Variants in MTUS2 observed in about 807,000 individuals in gnomAD.
MTUS2 encodes microtubule-associated tumor suppressor candidate 2.
Under a neutral mutation model 114.1 loss-of-function variants are expected in MTUS2, and 40 were observed. The ratio of observed to expected loss-of-function variants is 0.35; its 90% confidence interval spans 0.27 to 0.46. The LOEUF (loss-of-function observed/expected upper bound fraction) is 0.46, where lower values mean the gene tolerates loss of function less well. MTUS2 is among the 20% of genes least tolerant of loss of function. The probability of loss-of-function intolerance (pLI) is 1.00; values close to 1 mark genes in which losing one functional copy is unlikely to be tolerated. For missense variants in MTUS2, 1,679 were observed against 1,705.4 expected (o/e 0.98, Z 0.27); for synonymous variants, 688 against 672.0 (o/e 1.02, Z -0.37).
chr13:29,398,585 T>G (rs1019253427), intron 8 of MTUS2, among the ~76,000 whole-genome samples: 1 of 151,398 alleles, frequency 6.6e-6, no homozygotes, highest in African/African-American at 2.4e-5. Context: ...TTACCTGGTC[T>G]GAAAAACTAA....
At chr13:29,296,574 TA>T (rs2139593380) in intron 6 of MTUS2, among the ~76,000 whole-genome samples, 1 of 152,264 alleles carries the variant, frequency 6.6e-6, no homozygotes, top group East Asian at 1.9e-4. Context: ...ACCAAGTGTG[TA>T]AAAGTTCCTC....
chr13:29,226,522 C>G (rs528342421), intron 5 of MTUS2, among the ~76,000 whole-genome samples: 2 of 152,200 alleles, frequency 1.3e-5, no homozygotes, highest in South Asian at 2.1e-4. Flanking sequence ...TTCATTTGCA[C>G]TCCCAAAACA....
At chr13:29,375,413 TTACTTTTAA>T in intron 8 of MTUS2, among the ~76,000 whole-genome samples, 1 of 113,406 alleles carries the variant, frequency 8.8e-6, no homozygotes, top group African/African-American at 3.3e-5. Flanking sequence ...CCGCAATTAC[TTACTTTTAA>T]TGGCAAAAAC....
In MTUS2 at chr13:29,504,235, C is replaced by G. The variant is rs1393410291; in HGVS notation, c.*1029C>G. The G allele has an allele frequency of 4.3e-6, 1 of 232,524 alleles. No individual in the cohort carries two copies. Among genetic ancestry groups the G allele is most frequent in the Non-Finnish European group, 8.5e-6 (1 of 117,358 alleles). 14.4% of individuals were successfully genotyped at this position (232,524 alleles called of 1,614,324 possible). ...AGAGGGGGAACATCACTCCAGCTTT[C>G]CATGTGGTTCACTCTGATGCGATGC... On this transcript the variant is annotated 3_prime_UTR_variant, in exon 16 of 16. Coordinates refer to ENST00000612955, the MANE Select transcript of MTUS2 (RefSeq NM_001033602.4).
intron 2 of MTUS2, among the ~76,000 whole-genome samples, chr13:29,023,432 C>T (rs113722611): frequency 0.015 from 2,310 of 152,298 alleles, 64 homozygotes; most frequent in African/African-American, 0.053. Flanking sequence ...TTGCCAGTTT[C>T]TCTCTTTTAC....
At chr13:29,125,744 A>G (rs9508285) in intron 5 of MTUS2, among the ~76,000 whole-genome samples, 67,312 of 152,080 alleles carry the variant, frequency 0.44, 16,060 homozygotes, top group Non-Finnish European at 0.52. Context: ...TCTTTATTTC[A>G]TGATGATTTT....
chr13:29,033,859 A>T, intron 3 of MTUS2, 26 bp from the exon 4 acceptor site: 1 of 1,612,954 alleles, frequency 6.2e-7, no homozygotes, highest in Non-Finnish European at 8.5e-7. Flanking sequence ...AAGGTCTCTG[A>T]TTGAGTTTTT....
At chr13:28,925,695 C>T (rs1881287726) in intron 2 of MTUS2, among the ~76,000 whole-genome samples, 1 of 152,180 alleles carries the variant, frequency 6.6e-6, no homozygotes, top group South Asian at 2.1e-4. Context: ...AGTTAACTCA[C>T]CTCTGGTGTC....
rs1037633274 is a variant in MTUS2, at chr13:29,442,945, G to A, written c.3184+2896G>A. 3.3e-5 allele frequency among the ~76,000 whole-genome samples: 5 copies of A among 152,300 alleles called. No individual in the cohort carries two copies. The East Asian group carries it at 9.6e-4, about 29-fold the overall frequency. On this transcript the variant is annotated intron_variant, in intron 9 of 15. Coordinates refer to ENST00000612955, the MANE Select transcript of MTUS2 (RefSeq NM_001033602.4). Reference sequence around the variant, plus strand: ...AGCAAGATATGTTGGTCTTAGTTAAGATAGAAAAGCATTGAATTATATGAG... The same window carrying A: ...AGCAAGATATGTTGGTCTTAGTTAAAATAGAAAAGCATTGAATTATATGAG...
chr13:29,281,421 G>GTC (rs757486775), intron 5 of MTUS2, among the ~76,000 whole-genome samples: 2 of 134,900 alleles, frequency 1.5e-5, no homozygotes, highest in Non-Finnish European at 3.3e-5. Flanking sequence ...ATGTATGTCT[G>GTC]TGTGTGTGTG....
At chr13:29,465,647 C>G (rs1593475208) in intron 9 of MTUS2, among the ~76,000 whole-genome samples, 1 of 152,176 alleles carries the variant, frequency 6.6e-6, no homozygotes, top group Admixed American at 6.5e-5. Flanking sequence ...TTTCCTCCAA[C>G]TCACCATTCT....
intron 1 of MTUS2, among the ~76,000 whole-genome samples, chr13:28,830,564 C>T (rs532413890): frequency 9.9e-5 from 15 of 151,938 alleles, no homozygotes; most frequent in Admixed American, 5.9e-4. Context: ...AAGAAAGAAT[C>T]GGCAAACTTG....
intron 5 of MTUS2, among the ~76,000 whole-genome samples, chr13:29,234,411 C>G (rs904030770): frequency 2.6e-5 from 4 of 152,170 alleles, no homozygotes; most frequent in African/African-American, 9.7e-5. Flanking sequence ...ATAATATGAC[C>G]TATCCAACAG....
chr13:29,243,274 C>T (rs183059810), intron 5 of MTUS2, among the ~76,000 whole-genome samples: 4 of 152,158 alleles, frequency 2.6e-5, no homozygotes, highest in East Asian at 3.9e-4. Context: ...CACAGGAAAG[C>T]GGGAGCAAAG....
chr13:29,209,327 G>A (rs575453817), intron 5 of MTUS2, among the ~76,000 whole-genome samples: 1 of 152,168 alleles, frequency 6.6e-6, no homozygotes, highest in Non-Finnish European at 1.5e-5. Context: ...ATGTTGTTTG[G>A]TGAGTCTCTT....
At chr13:28,932,308 A>G (rs768111558) in intron 2 of MTUS2, among the ~76,000 whole-genome samples, 22 of 152,004 alleles carry the variant, frequency 1.4e-4, no homozygotes, top group Non-Finnish European at 3.1e-4. Flanking sequence ...GGTTCATCTT[A>G]ATGTATTAGG....
intron 9 of MTUS2, among the ~76,000 whole-genome samples, chr13:29,468,006 C>T (rs1328623332): frequency 6.6e-6 from 1 of 151,910 alleles, no homozygotes; most frequent in Non-Finnish European, 1.5e-5. Context: ...GTCCCAGCAT[C>T]GGTGGTGGGA....
chr13:29,501,108 C>T lies in MTUS2; in HGVS notation c.3810C>T (p.Asn1270=). The change falls in exon 15 of 16, where the codon AAC becomes AAT. Residue 1270 remains asparagine (N), a synonymous_variant. Transcript: ENST00000612955. ...TGTTTCCTTTGTAGGCAGAAAAGAACATTATCCTAGAAGAAAAGATCCAGG... is the reference window on the plus strand; with the variant it reads ...TGTTTCCTTTGTAGGCAGAAAAGAATATTATCCTAGAAGAAAAGATCCAGG... ...ILELEKLAEK[N]IILEEKIQVL... 7 of 1,613,966 alleles carry T rather than the reference C, an allele frequency of 4.3e-6. No homozygotes were observed. Among genetic ancestry groups the T allele is most frequent in the Non-Finnish European group, 5.9e-6 (7 of 1,179,894 alleles).
chr13:29,234,118 A>G (rs1896442556), intron 5 of MTUS2, among the ~76,000 whole-genome samples: 2 of 152,320 alleles, frequency 1.3e-5, no homozygotes, highest in Non-Finnish European at 1.5e-5. Flanking sequence ...TCCCTCTTCC[A>G]TTATAATGAT....
Sources: gnomAD v4.1 joint callset for allele counts (sites outside exome capture counted in the v4.1 genomes callset) on GRCh38, gnomAD v4.1.1 for gene constraint, MANE v1.5 for transcripts, NCBI Gene and HGNC (gene_info 2026-07-23, HGNC 2026-07-21) for gene names.